The following ADD2 variants were observed in gnomAD, a reference collection of about 807,000 sequenced individuals.
ADD2 encodes adducin 2.
Under a neutral mutation model 83.0 loss-of-function variants are expected in ADD2, and 23 were observed. That is an observed-to-expected ratio of 0.28 (90% CI 0.20 to 0.39). The LOEUF (loss-of-function observed/expected upper bound fraction) is 0.39. Among genes scored for constraint, ADD2 ranks in the 10% least tolerant of loss-of-function variants. The probability of loss-of-function intolerance (pLI) is 1.00; values close to 1 mark genes in which losing one functional copy is unlikely to be tolerated. For missense variants in ADD2, 758 were observed against 944.9 expected (o/e 0.80, Z 2.59); for synonymous variants, 375 against 375.4 (o/e 1.00, Z 0.01).
intron 1 of ADD2, among the ~76,000 whole-genome samples, chr2:70,754,634 G>A (rs1389506159): frequency 2.0e-5 from 3 of 151,934 alleles, no homozygotes; most frequent in South Asian, 2.1e-4. Context: ...CATTCCTGCC[G>A]ACGTTGACAT....
At position 70,693,672 on chromosome 2, in the gene ADD2, G is replaced by A. The variant is rs138122228; in HGVS notation, c.556-1120C>T. ...CCCTAAAAGCTGCAGCAACTCTCCC[G>A]CCTCAGGTACTTTAAACCCAAGTGT... On this transcript the variant is annotated intron_variant, in intron 6 of 15. Coordinates refer to ENST00000264436, the MANE Select transcript of ADD2 (RefSeq NM_001617.4). Among the ~76,000 whole-genome samples, 503 of 152,272 alleles carry A rather than the reference G, an allele frequency of 3.3e-3. 3 individuals are homozygous for A. The highest frequency in any genetic ancestry group is 0.011 in the African/African-American group (462 of 41,548).
chr2:70,675,963 A>C (rs1553368185), intron 13 of ADD2: 1 of 985,278 alleles, frequency 1.0e-6, no homozygotes, highest in Admixed American at 6.2e-5. Context: ...ATCTTGGCTG[A>C]GTTGGGGTTG....
intron 4 of ADD2, among the ~76,000 whole-genome samples, chr2:70,699,443 C>T (rs1671475514): frequency 3.3e-5 from 5 of 152,286 alleles, no homozygotes; most frequent in Admixed American, 2.6e-4. Context: ...TTCTCTGTTA[C>T]AGCCACAGAA....
intron 1 of ADD2, among the ~76,000 whole-genome samples, chr2:70,735,624 G>A (rs1368549105): frequency 6.6e-6 from 1 of 151,288 alleles, no homozygotes; most frequent in Non-Finnish European, 1.5e-5. Flanking sequence ...TTGTGCAAAT[G>A]TAAAACCTCA....
At chr2:70,723,279 T>C (rs1402412645) in intron 1 of ADD2, among the ~76,000 whole-genome samples, 3 of 152,214 alleles carry the variant, frequency 2.0e-5, no homozygotes, top group Non-Finnish European at 4.4e-5. Flanking sequence ...TCTAAGATAA[T>C]ATATGAAAGC....
At chr2:70,688,467 G>C (rs1396258690) in intron 8 of ADD2, among the ~76,000 whole-genome samples, 2 of 152,224 alleles carry the variant, frequency 1.3e-5, no homozygotes, top group African/African-American at 4.8e-5. Context: ...GGCAATGCCT[G>C]GGTTTTTAGG....
rs1364586855 is a variant in ADD2 at position 70,761,607 on chromosome 2, AAAGG to A, written c.-154+6275_-154+6278del. 1.3e-3 allele frequency among the ~76,000 whole-genome samples: 192 copies of A among 150,800 alleles called. 5 individuals carry two copies. Among genetic ancestry groups the A allele is most frequent in the African/African-American group, 3.0e-3 (121 of 40,806 alleles). On this transcript the variant is annotated intron_variant, in intron 1 of 15. Transcript: ENST00000264436. The stretch of plus-strand genomic sequence containing the variant: ...TGGGTGACAGAAAAAAAAAAAAAAA[AAAGG>A]AAGGAAGGAAGGAATTAAAGTATAC...
chr2:70,740,210 G>A (rs1337233795), intron 1 of ADD2, among the ~76,000 whole-genome samples: 2 of 151,958 alleles, frequency 1.3e-5, no homozygotes, highest in Admixed American at 1.3e-4. Flanking sequence ...GTATCCTATT[G>A]AACAATTATG....
intron 1 of ADD2, among the ~76,000 whole-genome samples, chr2:70,732,058 C>G (rs1193094981): frequency 2.0e-5 from 3 of 152,170 alleles, no homozygotes; most frequent in Non-Finnish European, 2.9e-5. Context: ...TGTTTATGGT[C>G]ATATTTTCAA....
At chr2:70,765,301 C>A (rs1035847056) in intron 1 of ADD2, among the ~76,000 whole-genome samples, 4 of 151,776 alleles carry the variant, frequency 2.6e-5, no homozygotes, top group African/African-American at 9.7e-5. Context: ...TGCAGTGAGC[C>A]GAGATCATGC....
chr2:70,707,855 T>G (rs56166821), intron 2 of ADD2, among the ~76,000 whole-genome samples: 12 of 152,208 alleles, frequency 7.9e-5, no homozygotes, highest in Admixed American at 7.2e-4. Context: ...GATGGAATGC[T>G]CTCTTGTTCT....
Position 70,683,726 on chromosome 2 carries a change from G to A in ADD2, c.990C>T (p.Ile330=), listed in dbSNP as rs1461673814. Residue 330 remains isoleucine (I), a synonymous_variant, in exon 10 of 16, where the codon ATC becomes ATT. Transcript: ENST00000264436. ...GCCGGTGCTTCTCCTGCTCCAGGAGGATGAGGTTCTCCACTCCCCCGGCAC... is the reference window on the plus strand; with the variant it reads ...GCCGGTGCTTCTCCTGCTCCAGGAGAATGAGGTTCTCCACTCCCCCGGCAC... ...LSSAGGVENL[I]LLEQEKHRPH... 2 of 1,614,110 alleles carry A rather than the reference G, an allele frequency of 1.2e-6. No homozygotes were observed. The highest frequency in any genetic ancestry group is 1.7e-6 in the Non-Finnish European group (2 of 1,179,970).
chr2:70,670,485 G>A (rs1553366889), intron 15 of ADD2, among the ~76,000 whole-genome samples: 1 of 152,228 alleles, frequency 6.6e-6, no homozygotes, highest in African/African-American at 2.4e-5. Flanking sequence ...GATAAGGTGA[G>A]CTGGGACAAG....
intron 15 of ADD2, among the ~76,000 whole-genome samples, chr2:70,672,125 A>T (rs1669920022): frequency 6.6e-6 from 1 of 152,250 alleles, no homozygotes; most frequent in South Asian, 2.1e-4. Context: ...ATATATAAAA[A>T]GGGACTATAT....
rs781939397 is a variant in ADD2, at chr2:70,672,897, A to C, written c.1851T>G (p.Ser617=). The stretch of plus-strand genomic sequence containing the variant: ...ACTCACCCTCTAAAGACTTGGAAGG[A>C]GAGACTAAAGGGCTCTTTGTCTCTG... ...KEAETKSPLV[S]PSKSLEEGTK... The change falls in exon 15 of 16, where the codon TCT becomes TCG. Residue 617 remains serine (S), a synonymous_variant. Coordinates refer to ENST00000264436, the MANE Select transcript of ADD2 (RefSeq NM_001617.4). The C allele has an allele frequency of 1.2e-6, 2 of 1,612,860 alleles. No individual in the cohort carries two copies. Among genetic ancestry groups the C allele is most frequent in the East Asian group, 4.5e-5 (2 of 44,860 alleles).
chr2:70,659,331 G>A lies in ADD2; in HGVS notation c.*4094C>T, dbSNP rs1675464554. On this transcript the variant is annotated 3_prime_UTR_variant, in exon 16 of 16. Coordinates refer to ENST00000264436, the MANE Select transcript of ADD2 (RefSeq NM_001617.4). ...TTTCAAATCCATGGCAATCAAAGAA[G>A]TGGATTTATAGCATTTTCCCCCACA... 6.6e-6 allele frequency: 1 copy of A among 152,120 alleles called. No individual in the cohort carries two copies. The highest frequency in any genetic ancestry group is 6.5e-5 in the Admixed American group (1 of 15,272). The allele number at this position is 152,120 out of a possible 1,614,324, so 9.4% of individuals were successfully genotyped here. A position where few individuals can be genotyped will look rare whatever the true frequency, so the allele number is the denominator to read the frequency against.
At chr2:70,677,899 G>T in intron 11 of ADD2, 22 bp from the exon 12 acceptor site, 1 of 1,613,960 alleles carries the variant, frequency 6.2e-7, no homozygotes, top group Non-Finnish European at 8.5e-7. Flanking sequence ...CAAGGTCATG[G>T]GGCTGAGGTG....
Position 70,676,573 on chromosome 2 carries a change from G to C in ADD2, c.1593+223C>G. ...ACTCCTGCAGGCAGGCTGGGCTGCT[G>C]TTCTCCAGCCCAGTGCCCACAGGGG... On this transcript the variant is annotated intron_variant, in intron 13 of 15. Coordinates refer to ENST00000264436, the MANE Select transcript of ADD2 (RefSeq NM_001617.4). This position sits in a 1 kb window ranked among gnomAD's most constrained non-coding sequence, Gnocchi z 4.8. The C allele has an allele frequency of 7.1e-7, 1 of 1,417,092 alleles. No homozygotes were observed. The highest frequency in any genetic ancestry group is 9.3e-7 in the Non-Finnish European group (1 of 1,080,648). The allele number at this position is 1,417,092 out of a possible 1,614,324, so 87.8% of individuals were successfully genotyped here.
chr2:70,733,241 A>C (rs1462772868), intron 1 of ADD2, among the ~76,000 whole-genome samples: 2 of 152,186 alleles, frequency 1.3e-5, no homozygotes, highest in East Asian at 3.9e-4. Context: ...ATGTAAAATC[A>C]CTGCTGGCTC....
Sources: allele counts gnomAD v4.1 joint callset (sites outside exome capture counted in the v4.1 genomes callset), GRCh38; gene constraint gnomAD v4.1.1; non-coding constraint Gnocchi (gnomAD v3.1); transcripts MANE v1.5; gene names NCBI Gene and HGNC (gene_info 2026-07-23, HGNC 2026-07-21).